The following MCIDAS variants were observed in gnomAD, a reference collection of about 807,000 sequenced individuals.
MCIDAS encodes the protein multicilin.
In MCIDAS, 23 loss-of-function variants were observed where a neutral mutation model predicts 35.4. The observed-to-expected ratio is 0.65, with a 90% confidence interval of 0.47 to 0.92. MCIDAS has a LOEUF of 0.92. Ranked by LOEUF, MCIDAS falls within the 40% of genes least tolerant of loss-of-function variation. The probability of loss-of-function intolerance (pLI) is 0.00; values close to 1 mark genes in which losing one functional copy is unlikely to be tolerated. For synonymous variants in MCIDAS, 228 were observed against 235.2 expected (o/e 0.97, Z 0.28); for missense variants, 480 against 531.8 (o/e 0.90, Z 0.96).
chr5:55,226,871 C>T lies in MCIDAS; in HGVS notation c.181G>A (p.Glu61Lys). The T allele has an allele frequency of 2.1e-6, 3 of 1,409,274 alleles. No homozygotes were observed. Among genetic ancestry groups the T allele is most frequent in the Middle Eastern group, 1.9e-4 (1 of 5,404 alleles). The allele number at this position is 1,409,274 out of a possible 1,614,324, so 87.3% of individuals were successfully genotyped here. A position where few individuals can be genotyped will look rare whatever the true frequency, so the allele number is the denominator to read the frequency against. Residue 61 changes from glutamate to lysine, a missense_variant, in exon 2 of 7, where the codon GAG becomes AAG. By Grantham distance (56) the Glu-to-Lys change is moderately conservative. Coordinates refer to ENST00000513312, the MANE Select transcript of MCIDAS (RefSeq NM_001190787.3). Reference protein sequence around the residue: ...CTGGSPVSVYEDPPDAEPTAL... With the variant: ...CTGGSPVSVYKDPPDAEPTAL... ...GTGGGCTCGGCGTCCGGGGGATCCT[C>T]GTACACCGACACCGGGCTCCCGCCT...
chr5:55,222,253 G>A lies in MCIDAS; in HGVS notation c.529C>T (p.Pro177Ser). The A allele has an allele frequency of 6.5e-7, 1 of 1,536,058 alleles. No homozygotes were observed. Among genetic ancestry groups the A allele is most frequent in the African/African-American group, 1.4e-5 (1 of 73,162 alleles). Reference protein sequence around the residue: ...SPPLRPPDVPPPEQYWKEVAD... With the variant: ...SPPLRPPDVPSPEQYWKEVAD... ...ACCTCCTTCCAGTATTGCTCAGGCG[G>A]GGGCACGTCTGGAGGGCGCAGCGGT... Residue 177 changes from proline (P) to serine (S), a missense_variant, in exon 5 of 7, where the codon CCG becomes TCG. Physicochemically the swap from Pro to Ser is moderately conservative, Grantham distance 74. Transcript: ENST00000513312.
rs527533893 is a variant in MCIDAS, at chr5:55,223,860, G to C, written c.310-837C>G. 6.6e-6 allele frequency among the ~76,000 whole-genome samples: 1 copy of C among 152,112 alleles called. No homozygotes were observed. Among genetic ancestry groups the C allele is most frequent in the Admixed American group, 6.5e-5 (1 of 15,270 alleles). On this transcript the variant is annotated intron_variant, in intron 3 of 6. Coordinates refer to ENST00000513312, the MANE Select transcript of MCIDAS (RefSeq NM_001190787.3). This position sits in a 1 kb window ranked among gnomAD's most constrained non-coding sequence, Gnocchi z 4.4. Reference sequence around the variant, plus strand: ...GGAGTACTCTTTTCTCGTACAGCCGGTGCACCTCCAACATTATGAACTGTA... The same window carrying C: ...GGAGTACTCTTTTCTCGTACAGCCGCTGCACCTCCAACATTATGAACTGTA...
Position 55,223,129 on chromosome 5 carries a change from T to C in MCIDAS, c.310-106A>G, listed in dbSNP as rs116674414. 1 of 872,766 alleles carries C rather than the reference T, an allele frequency of 1.1e-6. No homozygotes were observed. The highest frequency in any genetic ancestry group is 2.6e-5 in the East Asian group (1 of 37,880). The allele number at this position is 872,766 out of a possible 1,614,324, so 54.1% of individuals were successfully genotyped here. A position where few individuals can be genotyped will look rare whatever the true frequency, so the allele number is the denominator to read the frequency against. ...AATCTGGCAGGCACTATGCAATATA[T>C]GCACGTAACACAACTGCACTTGTAC... On this transcript the variant is annotated intron_variant, in intron 3 of 6. Transcript: ENST00000513312. This position sits in a 1 kb window ranked among gnomAD's most constrained non-coding sequence, Gnocchi z 4.4.
Position 55,223,043 on chromosome 5 carries a change from T to A in MCIDAS, c.310-20A>T. On this transcript the variant is annotated intron_variant, in intron 3 of 6. Transcript: ENST00000513312. The surrounding 1 kb of genome is among the most constrained non-coding windows in gnomAD (Gnocchi z 4.4). ...ATGGTTCTGAAAAAAACCAGAGGTGTACACTGGTTAACGAGTCTGGCGTTA... is the reference window on the plus strand; with the variant it reads ...ATGGTTCTGAAAAAAACCAGAGGTGAACACTGGTTAACGAGTCTGGCGTTA... The A allele has an allele frequency of 6.5e-7, 1 of 1,527,064 alleles. No individual in the cohort carries two copies. Among genetic ancestry groups the A allele is most frequent in the Non-Finnish European group, 8.8e-7 (1 of 1,138,662 alleles). 94.6% of individuals were successfully genotyped at this position (1,527,064 alleles called of 1,614,324 possible). A position where few individuals can be genotyped will look rare whatever the true frequency, so the allele number is the denominator to read the frequency against.
chr5:55,227,221 G>A lies in MCIDAS; in HGVS notation c.-83C>T, dbSNP rs1745476121. On this transcript the variant is annotated 5_prime_UTR_variant, in exon 1 of 7. Coordinates refer to ENST00000513312, the MANE Select transcript of MCIDAS (RefSeq NM_001190787.3). ...CGATCCACACCCTGCACTCCCTTCA[G>A]TGCCTGCAGGCTCCGAAGCCAGCCA... 1 of 1,364,966 alleles carries A rather than the reference G, an allele frequency of 7.3e-7. No homozygotes were observed. Among genetic ancestry groups the A allele is most frequent in the Middle Eastern group, 2.7e-4 (1 of 3,694 alleles). The allele number at this position is 1,364,966 out of a possible 1,614,324, so 84.6% of individuals were successfully genotyped here. A position where few individuals can be genotyped will look rare whatever the true frequency, so the allele number is the denominator to read the frequency against.
rs1424406476 is a variant in MCIDAS, at chr5:55,220,247, T to C, written c.*119A>G. 9 of 952,522 alleles carry C rather than the reference T, an allele frequency of 9.4e-6. No individual in the cohort carries two copies. Among genetic ancestry groups the C allele is most frequent in the Admixed American group, 2.9e-5 (1 of 34,834 alleles). The allele number at this position is 952,522 out of a possible 1,614,324, so 59.0% of individuals were successfully genotyped here. ...AATTTACAATGCATCGGTATCAAGATGCTTTTGTTCCTGAAAAAGTGTTTC... is the reference window on the plus strand; with the variant it reads ...AATTTACAATGCATCGGTATCAAGACGCTTTTGTTCCTGAAAAAGTGTTTC... On this transcript the variant is annotated 3_prime_UTR_variant, in exon 7 of 7. Coordinates refer to ENST00000513312, the MANE Select transcript of MCIDAS (RefSeq NM_001190787.3).
chr5:55,221,441 T>C (rs1745354999), intron 5 of MCIDAS, among the ~76,000 whole-genome samples: 1 of 152,032 alleles, frequency 6.6e-6, no homozygotes, highest in African/African-American at 2.4e-5. Context: ...AGTAAGAGTA[T>C]CTAGCTCAAT....
In MCIDAS at chr5:55,222,399, T is replaced by C. The variant is rs1316407646; in HGVS notation, c.383A>G (p.Asp128Gly). 2.7e-6 allele frequency: 4 copies of C among 1,478,338 alleles called. No individual in the cohort carries two copies. Among genetic ancestry groups the C allele is most frequent in the South Asian group, 1.3e-5 (1 of 75,286 alleles). 91.6% of individuals were successfully genotyped at this position (1,478,338 alleles called of 1,614,324 possible). ...FRDTVDDLIS[D>G]SSSMMSPTLA... is the part of the protein sequence containing the mutation. ...GGTAGGCGACATCATAGAGGATGAG[T>C]CTGGAGAAGAGCAGGAGCTGGATTT... Residue 128 changes from aspartate (D) to glycine (G), a missense_variant and splice_region_variant, in exon 5 of 7, where the codon GAC becomes GGC. Transcript: ENST00000513312.
At chr5:55,225,658 G>A (rs537543411) in intron 3 of MCIDAS, among the ~76,000 whole-genome samples, 2 of 152,292 alleles carry the variant, frequency 1.3e-5, no homozygotes, top group South Asian at 4.1e-4. Flanking sequence ...CCAGTTCTGG[G>A]AGGTGGTCAA....
At position 55,227,172 on chromosome 5, in the gene MCIDAS, A is replaced by G. The variant is rs1451853399; in HGVS notation, c.-34T>C. 16 of 1,404,792 alleles carry G rather than the reference A, an allele frequency of 1.1e-5. No homozygotes were observed. Among genetic ancestry groups the G allele is most frequent in the South Asian group, 1.6e-5 (1 of 64,062 alleles). 87.0% of individuals were successfully genotyped at this position (1,404,792 alleles called of 1,614,324 possible). A position where few individuals can be genotyped will look rare whatever the true frequency, so the allele number is the denominator to read the frequency against. ...CTGCCTCCGGGTGCCGACTGCTCGG[A>G]GGCGGCGGCCCGGGCTGGGGCAGCG... On this transcript the variant is annotated 5_prime_UTR_variant, in exon 1 of 7. Coordinates refer to ENST00000513312, the MANE Select transcript of MCIDAS (RefSeq NM_001190787.3).
rs977227413 is a variant in MCIDAS, at chr5:55,219,722, A to T, written c.*644T>A. The T allele has an allele frequency of 6.6e-6, 1 of 152,254 alleles. No homozygotes were observed. Among genetic ancestry groups the T allele is most frequent in the African/African-American group, 2.4e-5 (1 of 41,476 alleles). The allele number at this position is 152,254 out of a possible 1,614,324, so 9.4% of individuals were successfully genotyped here. ...TCTAAATTATATGAATGATCATTAC[A>T]AACAAATGTGCTTAGCACCTATTTT... On this transcript the variant is annotated 3_prime_UTR_variant, in exon 7 of 7. Transcript: ENST00000513312.
chr5:55,222,360 T>C lies in MCIDAS; in HGVS notation c.422A>G (p.Asp141Gly), dbSNP rs759891799. ...SMMSPTLASG[D>G]FPFSPCDISP... The stretch of plus-strand genomic sequence containing the variant: ...TATGTCGCAAGGAGAGAAGGGGAAG[T>C]CTCCGCTGGCCAGGGTAGGCGACAT... Residue 141 changes from aspartate to glycine, a missense_variant, in exon 5 of 7, where the codon GAC becomes GGC. Physicochemically the swap from Asp to Gly is moderately conservative, Grantham distance 94 (BLOSUM62 -1). Coordinates refer to ENST00000513312, the MANE Select transcript of MCIDAS (RefSeq NM_001190787.3). 9.2e-6 allele frequency: 14 copies of C among 1,528,178 alleles called. No homozygotes were observed. The highest frequency in any genetic ancestry group is 1.2e-5 in the South Asian group (1 of 83,396). 94.7% of individuals were successfully genotyped at this position (1,528,178 alleles called of 1,614,324 possible). A position where few individuals can be genotyped will look rare whatever the true frequency, so the allele number is the denominator to read the frequency against.
chr5:55,221,664 G>A (rs192104472), intron 5 of MCIDAS, among the ~76,000 whole-genome samples: 2 of 152,254 alleles, frequency 1.3e-5, no homozygotes, highest in African/African-American at 2.4e-5. Context: ...AGTGGCTCAC[G>A]CCCATAATCT....
At chr5:55,225,318 G>A (rs1050306429) in intron 3 of MCIDAS, among the ~76,000 whole-genome samples, 5 of 152,178 alleles carry the variant, frequency 3.3e-5, no homozygotes, top group Non-Finnish European at 2.9e-5. Flanking sequence ...CTAACAAAGA[G>A]CATGATGCCA....
Position 55,226,856 on chromosome 5 carries a change from C to A in MCIDAS, c.196G>T (p.Ala66Ser). 2 of 1,389,412 alleles carry A rather than the reference C, an allele frequency of 1.4e-6. No individual in the cohort carries two copies. Among genetic ancestry groups the A allele is most frequent in the South Asian group, 1.6e-5 (1 of 62,810 alleles). The allele number at this position is 1,389,412 out of a possible 1,614,324, so 86.1% of individuals were successfully genotyped here. Residue 66 changes from alanine to serine, a missense_variant, in exon 2 of 7, where the codon GCC becomes TCC. By Grantham distance (99) the Ala-to-Ser change is moderately conservative (BLOSUM62 1). Transcript: ENST00000513312. ...TCACCTGGCAGCGCTGTGGGCTCGG[C>A]GTCCGGGGGATCCTCGTACACCGAC... Reference protein sequence around the residue: ...PVSVYEDPPDAEPTALPALTT... With the variant: ...PVSVYEDPPDSEPTALPALTT...
At position 55,226,663 on chromosome 5, in the gene MCIDAS, G is replaced by A. The variant is rs1462404852; in HGVS notation, c.222C>T (p.Leu74=). ...PDAEPTALPA[L]TTIDLQDLAD... Reference sequence around the variant, plus strand: ...CGAGGTCCTGCAGGTCTATGGTGGTGAGGGCTGCGCGGGGAGACCGGGAGA... The same window carrying A: ...CGAGGTCCTGCAGGTCTATGGTGGTAAGGGCTGCGCGGGGAGACCGGGAGA... Residue 74 remains leucine, a synonymous_variant, in exon 3 of 7, where the codon CTC becomes CTT. Coordinates refer to ENST00000513312, the MANE Select transcript of MCIDAS (RefSeq NM_001190787.3). 3.3e-6 allele frequency: 5 copies of A among 1,516,800 alleles called. No individual in the cohort carries two copies. Among genetic ancestry groups the A allele is most frequent in the Admixed American group, 2.1e-5 (1 of 48,236 alleles). The allele number at this position is 1,516,800 out of a possible 1,614,324, so 94.0% of individuals were successfully genotyped here. A position where few individuals can be genotyped will look rare whatever the true frequency, so the allele number is the denominator to read the frequency against.
chr5:55,226,165 C>T (rs899883029), intron 3 of MCIDAS, among the ~76,000 whole-genome samples: 2 of 152,020 alleles, frequency 1.3e-5, no homozygotes, highest in African/African-American at 4.8e-5. Flanking sequence ...TCTTATATAC[C>T]CACGGAATGA....
At chr5:55,221,167 C>A (rs1319145069) in intron 5 of MCIDAS, 41 bp from the exon 6 acceptor site, 1 of 1,439,770 alleles carries the variant, frequency 6.9e-7, no homozygotes. Flanking sequence ...AGGTACTGTG[C>A]TGGGTCTCGT....
Position 55,227,164 on chromosome 5 carries a change from C to T in MCIDAS, c.-26G>A. On this transcript the variant is annotated 5_prime_UTR_variant, in exon 1 of 7. Transcript: ENST00000513312. ...TGTGCCTCCTGCCTCCGGGTGCCGA[C>T]TGCTCGGAGGCGGCGGCCCGGGCTG... is the stretch of plus-strand genomic sequence containing the variant. 2 of 1,417,608 alleles carry T rather than the reference C, an allele frequency of 1.4e-6. No homozygotes were observed. The highest frequency in any genetic ancestry group is 1.8e-6 in the Non-Finnish European group (2 of 1,095,150). 87.8% of individuals were successfully genotyped at this position (1,417,608 alleles called of 1,614,324 possible). A position where few individuals can be genotyped will look rare whatever the true frequency, so the allele number is the denominator to read the frequency against.
Sources: allele counts gnomAD v4.1 joint callset (sites outside exome capture counted in the v4.1 genomes callset), GRCh38; gene constraint gnomAD v4.1.1; non-coding constraint Gnocchi (gnomAD v3.1); transcripts MANE v1.5; gene names NCBI Gene and HGNC (gene_info 2026-07-23, HGNC 2026-07-21).